The following HIGD1C variants were observed in gnomAD, a reference collection of about 807,000 sequenced individuals.
HIGD1C encodes HIG1 domain family member 1C.
HIGD1C carries 11 observed loss-of-function variants against 13.1 expected under a neutral mutation model. That is an observed-to-expected ratio of 0.84 (90% CI 0.53 to 1.39). The LOEUF (loss-of-function observed/expected upper bound fraction) is 1.39. HIGD1C is among the 40% of genes most tolerant of loss of function. The probability of loss-of-function intolerance (pLI) is 0.00; values close to 1 mark genes in which losing one functional copy is unlikely to be tolerated. For missense variants in HIGD1C, 110 were observed against 112.0 expected, an observed-to-expected ratio of 0.98 and a Z score of 0.08; for synonymous variants, 36 against 37.7, an observed-to-expected ratio of 0.95 and a Z score of 0.17.
chr12:50,938,221 C>G, the HIGD1C span, among the ~76,000 whole-genome samples: 176 of 152,084 alleles, frequency 1.2e-3, 1 homozygote, highest in African/African-American at 4.2e-3. Context: ...CCTACACACC[C>G]CTCGGTGTCC....
the HIGD1C span, among the ~76,000 whole-genome samples, chr12:50,943,867 T>C: frequency 1.3e-5 from 2 of 152,232 alleles, 1 homozygote; most frequent in Admixed American, 1.3e-4. Flanking sequence ...ACTTGTTTTA[T>C]ATCCTTATAT....
At chr12:50,953,106 A>T (rs755786451), upstream of HIGD1C, among the ~76,000 whole-genome samples, 8 of 151,770 alleles carry the variant, frequency 5.3e-5, no homozygotes, top group Non-Finnish European at 1.2e-4. Context: ...CCACTCCCCC[A>T]GTCCCCTGGG....
intron 1 of HIGD1C, among the ~76,000 whole-genome samples, chr12:50,955,911 G>A (rs1939075135): frequency 6.6e-6 from 1 of 152,190 alleles, no homozygotes; most frequent in African/African-American, 2.4e-5. Flanking sequence ...CATTTAGGAT[G>A]ATTAAAGTGG....
chr12:50,970,088 G>T (rs141289509), intron 2 of HIGD1C, among the ~76,000 whole-genome samples: 2 of 151,836 alleles, frequency 1.3e-5, no homozygotes, highest in African/African-American at 4.8e-5. Flanking sequence ...TGTTTTCCTC[G>T]GGATACTGAG....
At chr12:50,944,802 G>A in the HIGD1C span, among the ~76,000 whole-genome samples, 17 of 152,082 alleles carry the variant, frequency 1.1e-4, no homozygotes, top group East Asian at 1.9e-3. Flanking sequence ...CAGGAGAATC[G>A]CTTGAACCTG....
At chr12:50,957,939 T>G (rs1158355419) in intron 1 of HIGD1C, among the ~76,000 whole-genome samples, 6 of 63,070 alleles carry the variant, frequency 9.5e-5, no homozygotes, top group African/African-American at 4.1e-4. Flanking sequence ...GAATTGGAGG[T>G]GTGTGTGTGT....
chr12:50,948,474 C>A, the HIGD1C span, among the ~76,000 whole-genome samples: 1 of 152,068 alleles, frequency 6.6e-6, no homozygotes, highest in African/African-American at 2.4e-5. Flanking sequence ...TATATTAAAA[C>A]CTTGTAGGGA....
chr12:50,938,951 C>A, the HIGD1C span, among the ~76,000 whole-genome samples: 1 of 152,212 alleles, frequency 6.6e-6, no homozygotes, highest in East Asian at 1.9e-4. Context: ...CATAGCATGG[C>A]AAAAAGAGAA....
At chr12:50,938,108 T>C in the HIGD1C span, among the ~76,000 whole-genome samples, 8 of 152,020 alleles carry the variant, frequency 5.3e-5, no homozygotes, top group Non-Finnish European at 1.0e-4. Context: ...ACTTCCTCCC[T>C]CCGCCATCAA....
the HIGD1C span, among the ~76,000 whole-genome samples, chr12:50,939,469 C>T: frequency 6.6e-6 from 1 of 152,108 alleles, no homozygotes; most frequent in Non-Finnish European, 1.5e-5. Flanking sequence ...TTTAATTTGG[C>T]TATTCTCACA....
At chr12:50,972,175 C>A (rs1250290803), downstream of HIGD1C, among the ~76,000 whole-genome samples, 1 of 152,188 alleles carries the variant, frequency 6.6e-6, no homozygotes, top group Non-Finnish European at 1.5e-5. Context: ...AAAAGTATTT[C>A]TAACCAGGCC....
upstream of HIGD1C, among the ~76,000 whole-genome samples, chr12:50,950,217 A>G (rs923015052): frequency 6.6e-6 from 1 of 152,198 alleles, no homozygotes; most frequent in Non-Finnish European, 1.5e-5. Context: ...TACTTAACCT[A>G]GATGAGGATC....
At chr12:50,946,749 A>G in the HIGD1C span, among the ~76,000 whole-genome samples, 2 of 152,338 alleles carry the variant, frequency 1.3e-5, no homozygotes, top group East Asian at 3.9e-4. Context: ...TCAAAGGATT[A>G]TAAATCATGC....
At chr12:50,964,063 C>T (rs1939448803) in intron 2 of HIGD1C, among the ~76,000 whole-genome samples, 1 of 152,108 alleles carries the variant, frequency 6.6e-6, no homozygotes, top group Non-Finnish European at 1.5e-5. Context: ...CTTTGATATC[C>T]TATGACTTAA....
intron 2 of HIGD1C, among the ~76,000 whole-genome samples, chr12:50,963,693 G>A (rs966456257): frequency 3.3e-5 from 5 of 152,112 alleles, no homozygotes; most frequent in Admixed American, 6.6e-5. Flanking sequence ...AAACTGTACC[G>A]CAACAGTGTC....
At chr12:50,961,070 C>A in exon 2 of HIGD1C, 1 of 1,613,816 alleles carries the variant, frequency 6.2e-7, no homozygotes, top group East Asian at 2.2e-5. Flanking sequence ...AGAGTTGCTG[C>A]CCAAGGATTT....
intron 1 of HIGD1C, among the ~76,000 whole-genome samples, chr12:50,955,228 G>A (rs1337023432): frequency 1.3e-5 from 2 of 152,296 alleles, no homozygotes; most frequent in African/African-American, 4.8e-5. Context: ...GGGAGGTAGA[G>A]GTTGGGTGCA....
At chr12:50,956,965 A>G (rs1010418255) in intron 1 of HIGD1C, among the ~76,000 whole-genome samples, 1 of 151,266 alleles carries the variant, frequency 6.6e-6, no homozygotes, top group Non-Finnish European at 1.5e-5. Context: ...CTGTTTCCTC[A>G]TATGTCTACC....
the HIGD1C span, among the ~76,000 whole-genome samples, chr12:50,946,190 C>A: frequency 3.3e-5 from 5 of 151,768 alleles, no homozygotes; most frequent in South Asian, 2.1e-4. Context: ...CATGTCTAAA[C>A]CACCAAAAGC....
Sources: gnomAD v4.1 joint callset for allele counts (sites outside exome capture counted in the v4.1 genomes callset) on GRCh38, gnomAD v4.1.1 for gene constraint, MANE v1.5 for transcripts, NCBI Gene and HGNC (gene_info 2026-07-23, HGNC 2026-07-21) for gene names.